The following MBTD1 variants were observed in gnomAD, a reference collection of about 807,000 sequenced individuals.
MBTD1 encodes the protein MBT domain-containing protein 1.
Under a neutral mutation model 87.8 loss-of-function variants are expected in MBTD1, and 24 were observed. The observed-to-expected ratio is 0.27, with a 90% CI of 0.20 to 0.38. The LOEUF is 0.38. Ranked by LOEUF, MBTD1 falls within the 10% of genes least tolerant of loss-of-function variation. The probability of loss-of-function intolerance (pLI) is 1.00; values close to 1 mark genes in which losing one functional copy is unlikely to be tolerated. For missense variants in MBTD1, 436 were observed against 760.2 expected (o/e 0.57, Z 5.02); for synonymous variants, 237 against 248.6 (o/e 0.95, Z 0.44).
chr17:51,248,667 T>C (rs1442104872), intron 2 of MBTD1, among the ~76,000 whole-genome samples: 2 of 152,218 alleles, frequency 1.3e-5, no homozygotes, highest in Admixed American at 1.3e-4. Flanking sequence ...GCATAGTGTT[T>C]CTGAGATTCA....
At chr17:51,231,521 C>T (rs934912407) in intron 2 of MBTD1, among the ~76,000 whole-genome samples, 3 of 152,020 alleles carry the variant, frequency 2.0e-5, no homozygotes, top group African/African-American at 7.3e-5. Flanking sequence ...CTTTAATATG[C>T]TTATGAACAT....
At chr17:51,252,495 G>T (rs563442033) in intron 2 of MBTD1, among the ~76,000 whole-genome samples, 99 of 152,100 alleles carry the variant, frequency 6.5e-4, no homozygotes, top group African/African-American at 2.4e-3. Flanking sequence ...GGAGACCAAG[G>T]GTGGGTGGAT....
chr17:51,236,213 A>G (rs971339324), intron 2 of MBTD1, among the ~76,000 whole-genome samples: 1 of 152,040 alleles, frequency 6.6e-6, no homozygotes, highest in African/African-American at 2.4e-5. Flanking sequence ...TTTTGTTCAC[A>G]CTGCTTTGTT....
chr17:51,202,704 A>G lies in MBTD1; in HGVS notation c.1060T>C (p.Ser354Pro), dbSNP rs367886810. ...AGTTCTTGTGATAGGTGCTTACCAG[A>G]TCTTTTGAATCGATGACCTATGCTT... is the stretch of plus-strand genomic sequence containing the variant. ...SRSIGHRFKR[S>P]DITKKQDGHF... Residue 354 changes from serine (S) to proline (P), a missense_variant, in exon 10 of 17, where the codon TCT becomes CCT. By Grantham distance (74) the Ser-to-Pro change is moderately conservative (BLOSUM62 -1). Coordinates refer to ENST00000586178, the MANE Select transcript of MBTD1 (RefSeq NM_017643.3). 14 of 1,612,318 alleles carry G rather than the reference A, an allele frequency of 8.7e-6. No individual in the cohort carries two copies. The Admixed American group carries it at 1.8e-4, about 21-fold the overall frequency.
chr17:51,194,256 T>C (rs1364914315), intron 13 of MBTD1, among the ~76,000 whole-genome samples: 1 of 152,026 alleles, frequency 6.6e-6, no homozygotes, highest in East Asian at 1.9e-4. Flanking sequence ...AAACCACGAG[T>C]AAAACAGCCA....
intron 2 of MBTD1, among the ~76,000 whole-genome samples, chr17:51,239,914 A>G (rs1465130439): frequency 6.6e-6 from 1 of 152,156 alleles, no homozygotes; most frequent in African/African-American, 2.4e-5. Context: ...CTGATCTACC[A>G]TCCGTCCTCC....
At chr17:51,206,158 G>A (rs572945057) in intron 7 of MBTD1, among the ~76,000 whole-genome samples, 40 of 152,298 alleles carry the variant, frequency 2.6e-4, no homozygotes, top group African/African-American at 9.6e-4. Flanking sequence ...TACTTCATGA[G>A]CAGTAAAGGG....
chr17:51,246,828 C>T (rs1009401028), intron 2 of MBTD1, among the ~76,000 whole-genome samples: 15 of 151,848 alleles, frequency 9.9e-5, no homozygotes, highest in Non-Finnish European at 1.6e-4. Flanking sequence ...TTAGTAGAGA[C>T]GGGGTTTCAC....
chr17:51,203,221 C>A lies in MBTD1; in HGVS notation c.747G>T (p.Gln249His). The A allele has an allele frequency of 6.6e-7, 1 of 1,512,942 alleles. No individual in the cohort carries two copies. The highest frequency in any genetic ancestry group is 1.3e-5 in the South Asian group (1 of 79,122). 93.7% of individuals were successfully genotyped at this position (1,512,942 alleles called of 1,614,324 possible). A position where few individuals can be genotyped will look rare whatever the true frequency, so the allele number is the denominator to read the frequency against. ...GKPLVPPRTIQHKYTNWKAFL... is the reference protein window; with the variant it reads ...GKPLVPPRTIHHKYTNWKAFL... The stretch of plus-strand genomic sequence containing the variant: ...AAGCTTTCCAGTTTGTATATTTATG[C>A]TGAATAGCTAAAATAGAAGAAATAA... The change falls in exon 9 of 17, where the codon CAG becomes CAT. Residue 249 changes from glutamine (Q) to histidine (H), a missense_variant. Coordinates refer to ENST00000586178, the MANE Select transcript of MBTD1 (RefSeq NM_017643.3).
At chr17:51,190,880 A>C (rs1373153348) in intron 16 of MBTD1, among the ~76,000 whole-genome samples, 4 of 150,932 alleles carry the variant, frequency 2.7e-5, no homozygotes, top group Non-Finnish European at 5.9e-5. Flanking sequence ...CAAAAGTTTG[A>C]GACCAGCCTG....
chr17:51,232,673 A>C (rs556084899), intron 2 of MBTD1, among the ~76,000 whole-genome samples: 9 of 152,068 alleles, frequency 5.9e-5, no homozygotes, highest in Non-Finnish European at 1.3e-4. Context: ...AGAATTCTTA[A>C]AGGAGTGAGT....
chr17:51,214,152 A>G (rs1166020674), intron 6 of MBTD1, among the ~76,000 whole-genome samples: 2 of 142,698 alleles, frequency 1.4e-5, no homozygotes, highest in Non-Finnish European at 3.1e-5. Context: ...ACTTTTGTAG[A>G]GACAAGGTCT....
upstream of MBTD1, chr17:51,260,514 C>T: frequency 1.4e-6 from 2 of 1,475,000 alleles, no homozygotes; most frequent in Non-Finnish European, 1.8e-6. Context: ...GCGGCGGCGG[C>T]CCGCGAGGGG....
Position 51,225,182 on chromosome 17 carries a change from T to C in MBTD1, c.-21A>G. ...AACATCCCGAAAGAATCTCTTCTTT[T>C]CCTTTCAGATCGTGAAGAATGTTCA... On this transcript the variant is annotated 5_prime_UTR_variant, in exon 3 of 17. Transcript: ENST00000586178. The C allele has an allele frequency of 3.9e-6, 6 of 1,528,214 alleles. No individual in the cohort carries two copies. Among genetic ancestry groups the C allele is most frequent in the Non-Finnish European group, 5.3e-6 (6 of 1,135,456 alleles). The allele number at this position is 1,528,214 out of a possible 1,614,324, so 94.7% of individuals were successfully genotyped here. A position where few individuals can be genotyped will look rare whatever the true frequency, so the allele number is the denominator to read the frequency against.
At chr17:51,192,317 T>C in intron 15 of MBTD1, 37 bp from the exon 16 acceptor site, 1 of 1,409,644 alleles carries the variant, frequency 7.1e-7, no homozygotes, top group Non-Finnish European at 9.8e-7. Context: ...ACTAGATAAT[T>C]GTTTACAATT....
At chr17:51,188,155 T>C (rs898114406) in intron 16 of MBTD1, among the ~76,000 whole-genome samples, 2 of 152,188 alleles carry the variant, frequency 1.3e-5, no homozygotes, top group African/African-American at 4.8e-5. Context: ...CAAGGAGCAA[T>C]GTCCACTCTT....
chr17:51,200,791 G>A (rs1387477829), intron 12 of MBTD1, among the ~76,000 whole-genome samples: 1 of 144,854 alleles, frequency 6.9e-6, no homozygotes, highest in Non-Finnish European at 1.6e-5. Context: ...CTGAGCCTGG[G>A]AGGCAGAGGT....
At chr17:51,242,149 A>G (rs564772967) in intron 2 of MBTD1, among the ~76,000 whole-genome samples, 1 of 152,350 alleles carries the variant, frequency 6.6e-6, no homozygotes, top group South Asian at 2.1e-4. Context: ...TATTCAATGT[A>G]CTTATTGCTA....
chr17:51,203,114 A>C, intron 9 of MBTD1, 26 bp downstream of exon 9: 1 of 1,548,596 alleles, frequency 6.5e-7, no homozygotes, highest in Non-Finnish European at 8.8e-7. Context: ...AGAGCTCTTC[A>C]GTCTTTATAA....
Sources: allele counts gnomAD v4.1 joint callset (sites outside exome capture counted in the v4.1 genomes callset), GRCh38; gene constraint gnomAD v4.1.1; transcripts MANE v1.5; gene names NCBI Gene and HGNC (gene_info 2026-07-23, HGNC 2026-07-21).